Variants in NBEA observed in about 807,000 individuals in gnomAD.
The protein encoded by NBEA is lysosomal-trafficking regulator 2.
In NBEA, 44 loss-of-function variants were observed where a neutral mutation model predicts 343.4. The ratio of observed to expected loss-of-function variants is 0.13; its 90% confidence interval spans 0.10 to 0.16. The LOEUF is 0.16. Ranked by LOEUF, NBEA falls within the 10% of genes least tolerant of loss-of-function variation. The pLI is 1.00. For synonymous variants in NBEA, 1,175 were observed against 1,238.7 expected (o/e 0.95, Z 1.08); for missense variants, 2,555 against 3,631.3 (o/e 0.70, Z 7.62).
chr13:35,179,539 A>T (rs1003646186), intron 28 of NBEA, among the ~76,000 whole-genome samples: 1 of 151,202 alleles, frequency 6.6e-6, no homozygotes, highest in African/African-American at 2.4e-5. Context: ...GTTAAAAAAA[A>T]ATAAAAAATA....
Position 35,646,295 on chromosome 13 carries a change from C to T in NBEA, c.7717C>T (p.Pro2573Ser). 1 of 1,613,834 alleles carries T rather than the reference C, an allele frequency of 6.2e-7. No individual in the cohort carries two copies. The change falls in exon 51 of 59, where the codon CCA becomes TCA. Residue 2573 changes from proline to serine, a missense_variant. Transcript: ENST00000379939. The part of the protein sequence containing the change: ...EAQIQNFGQT[P>S]SQLLIEPHPP... ...ACAGATACAGAACTTTGGACAGACGCCATCTCAGTTGCTTATTGAGCCACA... is the reference window on the plus strand; with the variant it reads ...ACAGATACAGAACTTTGGACAGACGTCATCTCAGTTGCTTATTGAGCCACA...
intron 41 of NBEA, chr13:35,476,964 C>G (rs2075900414): frequency 6.8e-6 from 2 of 294,980 alleles, no homozygotes; most frequent in South Asian, 2.7e-4. Flanking sequence ...CAAAGCGGCT[C>G]TCTTCTGTGC....
In NBEA at chr13:35,314,608, TCTA is replaced by T. The variant is rs568455832; in HGVS notation, c.5903+5019_5903+5021del. Among the ~76,000 whole-genome samples, 252 of 152,244 alleles carry T rather than the reference TCTA, an allele frequency of 1.7e-3. 1 individual carries two copies. Among genetic ancestry groups the T allele is most frequent in the Admixed American group, 4.6e-3 (70 of 15,270 alleles). On this transcript the variant is annotated intron_variant, in intron 36 of 58. Coordinates refer to ENST00000379939, the MANE Select transcript of NBEA (RefSeq NM_001385012.1). ...TAATACATAGTATCCATATGTTAAT[TCTA>T]CTGAGTTCAAATATCAGTTCTCCCA... is the stretch of plus-strand genomic sequence containing the variant.
intron 28 of NBEA, among the ~76,000 whole-genome samples, chr13:35,178,650 A>G (rs1378903054): frequency 6.6e-6 from 1 of 151,612 alleles, no homozygotes; most frequent in African/African-American, 2.4e-5. Flanking sequence ...AACAGATTTT[A>G]TTTATCCTTT....
intron 48 of NBEA, among the ~76,000 whole-genome samples, chr13:35,613,713 C>T (rs1476937488): frequency 2.0e-5 from 3 of 151,986 alleles, no homozygotes; most frequent in South Asian, 2.1e-4. Flanking sequence ...CTTGAACTCC[C>T]GGGCTCAAGT....
chr13:35,110,929 C>T lies in NBEA; in HGVS notation c.1953C>T (p.Tyr651=), dbSNP rs1215608925. 1.9e-6 allele frequency: 3 copies of T among 1,612,328 alleles called. No homozygotes were observed. The South Asian group carries it at 3.3e-5, about 18-fold the overall frequency. ...TAATGCACACCTTAAAATATTACTA[C>T]TGGGTTATTAATCCTGCTGACAGTA... is the stretch of plus-strand genomic sequence containing the variant. ...LQLMHTLKYY[Y]WVINPADSSG... Residue 651 remains tyrosine, a synonymous_variant, in exon 13 of 59, where the codon TAC becomes TAT. Transcript: ENST00000379939.
chr13:35,311,793 G>T (rs953376595), intron 36 of NBEA, among the ~76,000 whole-genome samples: 1 of 152,256 alleles, frequency 6.6e-6, no homozygotes, highest in Admixed American at 6.5e-5. Flanking sequence ...GGTGGAGGTT[G>T]CAGTGAGCCA....
intron 34 of NBEA, among the ~76,000 whole-genome samples, chr13:35,278,092 A>AAT (rs979139312): frequency 3.0e-4 from 44 of 147,732 alleles, no homozygotes; most frequent in Non-Finnish European, 4.9e-4. Context: ...CATCTCAAAA[A>AAT]ATATATATAT....
chr13:35,312,334 A>G (rs752377744), intron 36 of NBEA, among the ~76,000 whole-genome samples: 2 of 151,954 alleles, frequency 1.3e-5, no homozygotes, highest in Non-Finnish European at 2.9e-5. Flanking sequence ...TCATTAGGAG[A>G]CAGCCAAGTG....
intron 13 of NBEA, among the ~76,000 whole-genome samples, chr13:35,116,362 A>T (rs1161525670): frequency 3.3e-5 from 5 of 152,054 alleles, no homozygotes; most frequent in Non-Finnish European, 7.4e-5. Context: ...TAATTCGTTA[A>T]GTTGTTCATG....
Position 35,617,740 on chromosome 13 carries a change from T to C in NBEA, c.7450-10341T>C, listed in dbSNP as rs1302937203. Among the ~76,000 whole-genome samples, 6 of 152,220 alleles carry C rather than the reference T, an allele frequency of 3.9e-5. 1 individual carries two copies. In the East Asian group the frequency reaches 1.2e-3, roughly 29 times the overall value. On this transcript the variant is annotated intron_variant, in intron 48 of 58. Coordinates refer to ENST00000379939, the MANE Select transcript of NBEA (RefSeq NM_001385012.1). ...TCATAGTTTCTGTTGCTCCAACTCC[T>C]GGTCGGTTTTCTCATCCTACTACTA...
intron 1 of NBEA, among the ~76,000 whole-genome samples, chr13:34,990,898 A>C (rs1414427885): frequency 6.6e-6 from 1 of 152,204 alleles, no homozygotes; most frequent in African/African-American, 2.4e-5. Flanking sequence ...GCTACTTAGA[A>C]ATTTCTTCTG....
chr13:35,060,519 GAT>G (rs1440878698), intron 8 of NBEA, among the ~76,000 whole-genome samples: 1 of 151,716 alleles, frequency 6.6e-6, no homozygotes, highest in African/African-American at 2.4e-5. Flanking sequence ...ACTTTTAAGA[GAT>G]ATACTTGTAA....
At chr13:35,622,783 TAGA>T (rs1448663673) in intron 48 of NBEA, among the ~76,000 whole-genome samples, 1 of 152,200 alleles carries the variant, frequency 6.6e-6, no homozygotes, top group East Asian at 1.9e-4. Flanking sequence ...TGCTCTGATC[TAGA>T]AGAAGACATG....
At chr13:35,018,443 A>G (rs1442323810) in intron 1 of NBEA, among the ~76,000 whole-genome samples, 1 of 152,156 alleles carries the variant, frequency 6.6e-6, no homozygotes, top group Admixed American at 6.5e-5. Flanking sequence ...AGTTTTGAGT[A>G]TACACTTTAC....
intron 41 of NBEA, among the ~76,000 whole-genome samples, chr13:35,536,542 G>A (rs1269040889): frequency 6.6e-6 from 1 of 151,914 alleles, no homozygotes; most frequent in Non-Finnish European, 1.5e-5. Flanking sequence ...CTTCTTCAAA[G>A]AACAGAGACA....
chr13:35,446,083 T>TA (rs2152941016), intron 39 of NBEA, among the ~76,000 whole-genome samples: 1 of 151,866 alleles, frequency 6.6e-6, no homozygotes, highest in South Asian at 2.1e-4. Context: ...TTTTTGTCCT[T>TA]ACGATAGTTT....
At chr13:35,017,716 T>C (rs1242406760) in intron 1 of NBEA, among the ~76,000 whole-genome samples, 1 of 152,204 alleles carries the variant, frequency 6.6e-6, no homozygotes, top group East Asian at 1.9e-4. Context: ...TTATCAGATA[T>C]ATAATTTGCA....
At chr13:35,282,679 T>C (rs1003463867) in intron 34 of NBEA, among the ~76,000 whole-genome samples, 6 of 152,232 alleles carry the variant, frequency 3.9e-5, no homozygotes, top group African/African-American at 1.4e-4. Flanking sequence ...CCTTCTGTAG[T>C]AGAAATCTGA....
Sources: gnomAD v4.1 joint callset for allele counts (sites outside exome capture counted in the v4.1 genomes callset) on GRCh38, gnomAD v4.1.1 for gene constraint, MANE v1.5 for transcripts, NCBI Gene and HGNC (gene_info 2026-07-23, HGNC 2026-07-21) for gene names.